The following CCDC6 variants were observed in gnomAD, a reference collection of about 807,000 sequenced individuals.
The protein encoded by CCDC6 is coiled-coil domain containing 6.
In CCDC6, 20 loss-of-function variants were observed where a neutral mutation model predicts 56.6. That is an observed-to-expected ratio of 0.35 (90% confidence interval 0.25 to 0.51). The LOEUF (loss-of-function observed/expected upper bound fraction) is 0.51, where lower values mean the gene tolerates loss of function less well. Among genes scored for constraint, CCDC6 ranks in the 20% least tolerant of loss-of-function variants. The pLI, the probability that CCDC6 is intolerant of heterozygous loss-of-function variation, is 0.95. For synonymous variants in CCDC6, 241 were observed against 234.4 expected, an observed-to-expected ratio of 1.03 and a Z score of -0.26; for missense variants, 367 against 601.1, an observed-to-expected ratio of 0.61 and a Z score of 4.07.
chr10:59,834,874 A>AGCCCTCC, intron 2 of CCDC6, among the ~76,000 whole-genome samples: 1 of 152,242 alleles, frequency 6.6e-6, no homozygotes, highest in African/African-American at 2.4e-5. Flanking sequence ...ACCCAATGAA[A>AGCCCTCC]CAAGCATCGC....
intron 1 of CCDC6, among the ~76,000 whole-genome samples, chr10:59,887,016 C>A (rs1169248834): frequency 1.3e-5 from 2 of 152,158 alleles, no homozygotes; most frequent in Non-Finnish European, 1.5e-5. Flanking sequence ...TCTCTCATAT[C>A]CTACTAATGG....
intron 5 of CCDC6, among the ~76,000 whole-genome samples, chr10:59,811,800 C>A (rs947683449): frequency 1.5e-4 from 23 of 151,962 alleles, no homozygotes; most frequent in African/African-American, 5.3e-4. Flanking sequence ...GGATGCAGAA[C>A]CTCCAGATAC....
intron 7 of CCDC6, among the ~76,000 whole-genome samples, chr10:59,801,854 A>G (rs1236347215): frequency 1.3e-5 from 2 of 152,136 alleles, no homozygotes; most frequent in East Asian, 3.8e-4. Flanking sequence ...ACATACCCTC[A>G]TCACTTTGTT....
intron 1 of CCDC6, among the ~76,000 whole-genome samples, chr10:59,878,531 A>G (rs1451145454): frequency 2.6e-5 from 4 of 152,256 alleles, no homozygotes; most frequent in Non-Finnish European, 4.4e-5. Context: ...GTTTACGGAT[A>G]AGGCTATGTA....
rs528664783 is a variant in CCDC6, at chr10:59,906,525, C to T, written c.-101G>A. 3.2e-4 allele frequency: 335 copies of T among 1,037,726 alleles called. No homozygotes were observed. Among genetic ancestry groups the T allele is most frequent in the Middle Eastern group, 2.9e-3 (9 of 3,060 alleles). 64.3% of individuals were successfully genotyped at this position (1,037,726 alleles called of 1,614,324 possible). On this transcript the variant is annotated 5_prime_UTR_variant, in exon 1 of 9. Transcript: ENST00000263102. Reference sequence around the variant, plus strand: ...GGCGCCGGGCGAGCACAGGGGAGCGCCGAGCTGAGCGCCTGGCACCAGGGC... The same window carrying T: ...GGCGCCGGGCGAGCACAGGGGAGCGTCGAGCTGAGCGCCTGGCACCAGGGC...
At chr10:59,858,683 CCT>C (rs1564750160) in intron 1 of CCDC6, among the ~76,000 whole-genome samples, 1 of 152,184 alleles carries the variant, frequency 6.6e-6, no homozygotes, top group African/African-American at 2.4e-5. Context: ...TGCATACACA[CCT>C]CATCATGTCA....
At chr10:59,836,325 G>T (rs2070882338) in intron 2 of CCDC6, among the ~76,000 whole-genome samples, 1 of 152,190 alleles carries the variant, frequency 6.6e-6, no homozygotes, top group African/African-American at 2.4e-5. Flanking sequence ...CTATTTTAAA[G>T]CTATAGCTCA....
At chr10:59,833,208 G>A (rs10761418) in intron 2 of CCDC6, among the ~76,000 whole-genome samples, 48,118 of 152,014 alleles carry the variant, frequency 0.32, 8,028 homozygotes, top group Non-Finnish European at 0.36. Context: ...TAGCACTTTG[G>A]GAGGCCAAGG....
rs3862859 is a variant in CCDC6 at position 59,838,245 on chromosome 10, C to G, written c.454-5592G>C. Among the ~76,000 whole-genome samples the G allele has an allele frequency of 4.6e-5, 7 of 151,644 alleles. No homozygotes were observed. The East Asian group carries it at 1.2e-3, about 25-fold the overall frequency. On this transcript the variant is annotated intron_variant, in intron 2 of 8. Transcript: ENST00000263102. ...AACAGCTGTCACACACACACACACTCTCCTTTGTGTGTGCCATGTGCTCAT... is the reference window on the plus strand; with the variant it reads ...AACAGCTGTCACACACACACACACTGTCCTTTGTGTGTGCCATGTGCTCAT...
intron 1 of CCDC6, among the ~76,000 whole-genome samples, chr10:59,905,738 GGGGTTCCCC>G (rs2132692663): frequency 6.6e-6 from 1 of 152,280 alleles, no homozygotes; most frequent in South Asian, 2.1e-4. Flanking sequence ...TTCCAGGACT[GGGGTTCCCC>G]AGATTCTGGA....
chr10:59,809,700 T>C (rs2070657615), intron 5 of CCDC6, among the ~76,000 whole-genome samples: 1 of 152,192 alleles, frequency 6.6e-6, no homozygotes, highest in South Asian at 2.1e-4. Flanking sequence ...GGCCCTCACT[T>C]AACATCATCC....
chr10:59,806,950 C>T lies in CCDC6; in HGVS notation c.976G>A (p.Glu326Lys), dbSNP rs1367065638. The change falls in exon 6 of 9, where the codon GAG becomes AAG. Residue 326 changes from glutamate to lysine, a missense_variant. Coordinates refer to ENST00000263102, the MANE Select transcript of CCDC6 (RefSeq NM_005436.5). ...EALCRQLSES[E>K]SSLEMDDERY... ...TCGTCGTCCATTTCTAAGCTGGACT[C>T]ACTCTCGGAGAGCTGTCGACAGAGG... The T allele has an allele frequency of 6.2e-7, 1 of 1,614,042 alleles. No homozygotes were observed. The highest frequency in any genetic ancestry group is 8.5e-7 in the Non-Finnish European group (1 of 1,179,948).
In CCDC6 at chr10:59,906,452, G is replaced by C; in HGVS notation, c.-28C>G. 6.8e-7 allele frequency: 1 copy of C among 1,461,598 alleles called. No homozygotes were observed. The highest frequency in any genetic ancestry group is 8.9e-7 in the Non-Finnish European group (1 of 1,122,330). The allele number at this position is 1,461,598 out of a possible 1,614,324, so 90.5% of individuals were successfully genotyped here. On this transcript the variant is annotated 5_prime_UTR_variant, in exon 1 of 9. Coordinates refer to ENST00000263102, the MANE Select transcript of CCDC6 (RefSeq NM_005436.5). ...CCGCGGCGGGCTGGGGAAAGGAGGA[G>C]GAGCAGCAGGGAGGCGGCGGCGACG...
chr10:59,857,945 C>G (rs2071093958), intron 1 of CCDC6, among the ~76,000 whole-genome samples: 1 of 152,158 alleles, frequency 6.6e-6, no homozygotes, highest in African/African-American at 2.4e-5. Flanking sequence ...TTTAAACTGT[C>G]CTTTCCTAGG....
intron 1 of CCDC6, among the ~76,000 whole-genome samples, chr10:59,880,516 C>T (rs1462933216): frequency 6.6e-6 from 1 of 152,108 alleles, no homozygotes; most frequent in African/African-American, 2.4e-5. Context: ...GGATAATGGC[C>T]GGAAGGGGGC....
Position 59,897,071 on chromosome 10 carries a change from A to AT in CCDC6, c.303+9050dup, listed in dbSNP as rs2071469124. 4.6e-5 allele frequency among the ~76,000 whole-genome samples: 7 copies of AT among 152,208 alleles called. 1 individual carries two copies. The South Asian group carries it at 1.4e-3, about 31-fold the overall frequency. ...CAGTACTCTTTGGTTAATAAAAACA[A>AT]TAAAATCACCTAGTCAATTTTTTCC... is the stretch of plus-strand genomic sequence containing the variant. On this transcript the variant is annotated intron_variant, in intron 1 of 8. Coordinates refer to ENST00000263102, the MANE Select transcript of CCDC6 (RefSeq NM_005436.5).
At chr10:59,862,881 TATATGC>T (rs2071146804) in intron 1 of CCDC6, among the ~76,000 whole-genome samples, 1 of 152,114 alleles carries the variant, frequency 6.6e-6, no homozygotes, top group Non-Finnish European at 1.5e-5. Context: ...TACTACGAGG[TATATGC>T]CCTACATAAA....
chr10:59,897,379 G>A lies in CCDC6; in HGVS notation c.303+8743C>T, dbSNP rs541484035. Among the ~76,000 whole-genome samples, 14 of 151,768 alleles carry A rather than the reference G, an allele frequency of 9.2e-5. No individual in the cohort carries two copies. In the South Asian group the frequency reaches 2.7e-3, roughly 29 times the overall value. ...AGCGATTCTCCTGCCTCAGCCTCCC[G>A]AGTAGCTGGGATTACAGGCATGCAC... On this transcript the variant is annotated intron_variant, in intron 1 of 8. Coordinates refer to ENST00000263102, the MANE Select transcript of CCDC6 (RefSeq NM_005436.5).
At chr10:59,829,039 A>G (rs2070812778) in intron 3 of CCDC6, among the ~76,000 whole-genome samples, 1 of 152,232 alleles carries the variant, frequency 6.6e-6, no homozygotes, top group Non-Finnish European at 1.5e-5. Context: ...TGGATTCCAG[A>G]TTCAAGGCCT....
Sources: allele counts gnomAD v4.1 joint callset (sites outside exome capture counted in the v4.1 genomes callset), GRCh38; gene constraint gnomAD v4.1.1; transcripts MANE v1.5; gene names NCBI Gene and HGNC (gene_info 2026-07-23, HGNC 2026-07-21).